MAEA: variants seen among roughly 807,000 people sequenced by gnomAD.
MAEA encodes the protein macrophage erythroblast attacher, E3 ubiquitin ligase, also known as E3 ubiquitin-protein transferase MAEA.
Under a neutral mutation model 46.2 loss-of-function variants are expected in MAEA, and 22 were observed. That is an observed-to-expected ratio of 0.48 (90% CI 0.34 to 0.68). The LOEUF is 0.68. MAEA is among the 30% of genes least tolerant of loss of function. The pLI is 0.01. For synonymous variants in MAEA, 246 were observed against 222.6 expected (o/e 1.11, Z -0.94); for missense variants, 393 against 558.1 (o/e 0.70, Z 2.98).
rs943234765 is a variant in MAEA, at chr4:1,311,399, C to G, written c.70-580C>G. Among the ~76,000 whole-genome samples, 16 of 152,248 alleles carry G rather than the reference C, an allele frequency of 1.1e-4. No homozygotes were observed. The highest frequency in any genetic ancestry group is 3.9e-4 in the Admixed American group (6 of 15,290). ...CGACTTTAAGATTCTCCTTGATTGG[C>G]TTATTTCCACAGGGAATGGATGGTT... On this transcript the variant is annotated intron_variant, in intron 1 of 8. Transcript: ENST00000303400. The surrounding 1 kb of genome is among the most constrained non-coding windows in gnomAD (Gnocchi z 4.4).
intron 3 of MAEA, among the ~76,000 whole-genome samples, chr4:1,317,139 G>A (rs13141139): frequency 2.7e-5 from 1 of 36,884 alleles, no homozygotes; most frequent in East Asian, 1.9e-3. Context: ...AGACTCACCC[G>A]CAGGCCCACC....
At chr4:1,320,277 C>G (rs1737886613) in intron 3 of MAEA, among the ~76,000 whole-genome samples, 1 of 149,494 alleles carries the variant, frequency 6.7e-6, no homozygotes. Flanking sequence ...TATGACGGGG[C>G]TTCAGAAAAG....
intron 4 of MAEA, among the ~76,000 whole-genome samples, chr4:1,326,489 C>T (rs956793518): frequency 3.9e-5 from 6 of 152,198 alleles, no homozygotes; most frequent in South Asian, 4.1e-4. Context: ...GCTGCCCCCA[C>T]CCCAGCCACA....
chr4:1,330,406 C>T (rs1052913556), intron 5 of MAEA: 3 of 152,400 alleles, frequency 2.0e-5, no homozygotes, highest in African/African-American at 4.8e-5. Flanking sequence ...CAACCTCCGC[C>T]TCCCGGGTTC....
At chr4:1,308,613 C>A (rs535383595) in intron 1 of MAEA, among the ~76,000 whole-genome samples, 1 of 152,244 alleles carries the variant, frequency 6.6e-6, no homozygotes, top group South Asian at 2.1e-4. Flanking sequence ...GCCGTCCTAA[C>A]GGGCACGAGG....
chr4:1,313,180 C>T (rs918536723), intron 2 of MAEA, among the ~76,000 whole-genome samples: 7 of 152,362 alleles, frequency 4.6e-5, no homozygotes, highest in Admixed American at 2.0e-4. Flanking sequence ...GAGGTGGTCC[C>T]GGCTGGTGGT....
intron 3 of MAEA, among the ~76,000 whole-genome samples, chr4:1,319,400 A>C (rs1445924468): frequency 6.6e-6 from 1 of 152,082 alleles, no homozygotes; most frequent in Non-Finnish European, 1.5e-5. Flanking sequence ...ACAGAAAACC[A>C]GTTCACTTAG....
chr4:1,316,735 C>T (rs534309092), intron 3 of MAEA, among the ~76,000 whole-genome samples: 3 of 152,262 alleles, frequency 2.0e-5, no homozygotes, highest in Admixed American at 1.3e-4. Context: ...GAATTCAACC[C>T]CAGCACAAGG....
At chr4:1,299,762 C>CTCCT (rs1320674572) in intron 1 of MAEA, 1 of 152,348 alleles carries the variant, frequency 6.6e-6, no homozygotes, top group Non-Finnish European at 1.5e-5. Flanking sequence ...ATGTCCTCAC[C>CTCCT]TCCTTCAATC....
At chr4:1,324,826 G>A (rs1042322199) in intron 4 of MAEA, among the ~76,000 whole-genome samples, 1 of 147,388 alleles carries the variant, frequency 6.8e-6, no homozygotes, top group Non-Finnish European at 1.5e-5. Context: ...TGGATGCCTG[G>A]TGGATGAGCG....
intron 1 of MAEA, among the ~76,000 whole-genome samples, chr4:1,298,570 A>G (rs1735010186): frequency 6.6e-6 from 1 of 152,168 alleles, no homozygotes; most frequent in South Asian, 2.1e-4. Context: ...GGTAACCCCA[A>G]GACACTGCTG....
chr4:1,337,248 A>G, intron 7 of MAEA: 1 of 516,450 alleles, frequency 1.9e-6, no homozygotes, highest in Non-Finnish European at 3.5e-6. Context: ...CGCCATGGGC[A>G]TTGATCTAAA....
chr4:1,339,123 A>G lies in MAEA; in HGVS notation c.1145A>G (p.Lys382Arg). Residue 382 changes from lysine to arginine, a missense_variant, in exon 9 of 9, where the codon AAA (lysine) becomes AGA (arginine). Coordinates refer to ENST00000303400, the MANE Select transcript of MAEA (RefSeq NM_001017405.3). ...QDDKVVCPRT[K>R]EVFHFSQAEK... Reference sequence around the variant, plus strand: ...GATAAAGTCGTGTGCCCGAGAACCAAAGAAGTCTTCCACTTCTCACAAGCC... The same window carrying G: ...GATAAAGTCGTGTGCCCGAGAACCAGAGAAGTCTTCCACTTCTCACAAGCC... 6.2e-7 allele frequency: 1 copy of G among 1,613,976 alleles called. No homozygotes were observed. The highest frequency in any genetic ancestry group is 8.5e-7 in the Non-Finnish European group (1 of 1,180,022).
At chr4:1,304,637 C>T (rs1393235712) in intron 1 of MAEA, among the ~76,000 whole-genome samples, 2 of 152,064 alleles carry the variant, frequency 1.3e-5, no homozygotes, top group African/African-American at 4.8e-5. Context: ...CAGACGGGGG[C>T]ATCGTGTTGG....
intron 8 of MAEA, 107 bp downstream of exon 8, chr4:1,338,724 G>C (rs1298392344): frequency 4.5e-6 from 5 of 1,118,626 alleles, no homozygotes; most frequent in Admixed American, 2.2e-5. Flanking sequence ...ATCGCCATCG[G>C]GACAGGGCTG....
intron 6 of MAEA, chr4:1,335,720 C>T: frequency 1.0e-6 from 1 of 985,420 alleles, no homozygotes; most frequent in South Asian, 4.7e-5. Context: ...CAGCACTGGC[C>T]CCACAGTGTG....
intron 1 of MAEA, among the ~76,000 whole-genome samples, chr4:1,308,589 G>A (rs1169082312): frequency 1.3e-5 from 2 of 152,238 alleles, no homozygotes; most frequent in African/African-American, 4.8e-5. Context: ...CATAGCTTTC[G>A]GTGTTGAGTG....
At chr4:1,335,107 GCTCT>G in intron 6 of MAEA, 1 of 985,310 alleles carries the variant, frequency 1.0e-6, no homozygotes, top group Non-Finnish European at 1.2e-6. Flanking sequence ...GCTCACACAC[GCTCT>G]CTCTCTTAAG....
intron 1 of MAEA, among the ~76,000 whole-genome samples, chr4:1,308,689 T>C (rs781276155): frequency 2.0e-5 from 3 of 152,288 alleles, no homozygotes; most frequent in Non-Finnish European, 4.4e-5. Flanking sequence ...TCTTGTCATG[T>C]GCCGCTTGGC....
Sources: allele counts gnomAD v4.1 joint callset (sites outside exome capture counted in the v4.1 genomes callset), GRCh38; gene constraint gnomAD v4.1.1; non-coding constraint Gnocchi (gnomAD v3.1); transcripts MANE v1.5; gene names NCBI Gene and HGNC (gene_info 2026-07-23, HGNC 2026-07-21).